Variants in VSTM4 observed in about 807,000 individuals in gnomAD.
VSTM4 encodes the protein V-set and transmembrane domain containing 4.
A neutral mutation model predicts 36.4 loss-of-function variants in VSTM4; 20 were observed. The observed-to-expected ratio is 0.55, with a 90% CI of 0.39 to 0.80. The LOEUF (loss-of-function observed/expected upper bound fraction) is 0.80. VSTM4 is among the 30% of genes least tolerant of loss of function. The probability of loss-of-function intolerance (pLI) is 0.00; values close to 1 mark genes in which losing one functional copy is unlikely to be tolerated. For missense variants in VSTM4, 392 were observed against 404.5 expected (o/e 0.97, Z 0.26); for synonymous variants, 182 against 173.9 (o/e 1.05, Z -0.37).
chr10:49,062,062 G>T (rs1017147787), intron 5 of VSTM4, among the ~76,000 whole-genome samples: 1 of 152,166 alleles, frequency 6.6e-6, no homozygotes, highest in Non-Finnish European at 1.5e-5. Context: ...ATACACATAT[G>T]TGACTTTACA....
In VSTM4 at chr10:49,114,146, C is replaced by A. The variant is rs1330560118; in HGVS notation, c.55+1285G>T. ...GCAAACTTCTCATCATTTTTCCAGCCGAGACAGTGACAACTGGGAAAAGGT... is the reference window on the plus strand; with the variant it reads ...GCAAACTTCTCATCATTTTTCCAGCAGAGACAGTGACAACTGGGAAAAGGT... On this transcript the variant is annotated intron_variant, in intron 1 of 7. Coordinates refer to ENST00000332853, the MANE Select transcript of VSTM4 (RefSeq NM_001031746.5). 2.6e-5 allele frequency among the ~76,000 whole-genome samples: 4 copies of A among 152,064 alleles called. No individual in the cohort carries two copies. In the East Asian group the frequency reaches 7.7e-4, roughly 29 times the overall value.
At chr10:49,035,270 C>T (rs980758735) in intron 7 of VSTM4, among the ~76,000 whole-genome samples, 1 of 152,170 alleles carries the variant, frequency 6.6e-6, no homozygotes, top group Non-Finnish European at 1.5e-5. Flanking sequence ...GCACCTTGCC[C>T]CCTGCCTATC....
chr10:49,022,996 C>T (rs1305392211), intron 7 of VSTM4, among the ~76,000 whole-genome samples: 1 of 151,872 alleles, frequency 6.6e-6, no homozygotes, highest in Non-Finnish European at 1.5e-5. Context: ...TTTAATAAAG[C>T]CAAAGCACAC....
intron 5 of VSTM4, among the ~76,000 whole-genome samples, chr10:49,049,495 CA>C (rs1843665389): frequency 6.6e-6 from 1 of 152,128 alleles, no homozygotes; most frequent in African/African-American, 2.4e-5. Flanking sequence ...CTATTCGCTC[CA>C]GTAATCCAGA....
chr10:49,089,790 C>T (rs1365099811), intron 2 of VSTM4, among the ~76,000 whole-genome samples: 1 of 152,216 alleles, frequency 6.6e-6, no homozygotes, highest in Non-Finnish European at 1.5e-5. Flanking sequence ...TATCTTGTTG[C>T]AGCTGCTAAT....
At chr10:49,095,686 C>T (rs542224168) in intron 2 of VSTM4, among the ~76,000 whole-genome samples, 4 of 152,352 alleles carry the variant, frequency 2.6e-5, no homozygotes, top group African/African-American at 7.2e-5. Flanking sequence ...CATGGTCCAG[C>T]AATGTGTCCT....
chr10:49,057,572 G>T (rs1428275613), intron 5 of VSTM4, among the ~76,000 whole-genome samples: 1 of 152,150 alleles, frequency 6.6e-6, no homozygotes, highest in Non-Finnish European at 1.5e-5. Context: ...TATTCTTTAT[G>T]CCAGGAACCA....
chr10:49,109,264 G>A (rs1046274417), intron 1 of VSTM4, among the ~76,000 whole-genome samples: 1 of 152,176 alleles, frequency 6.6e-6, no homozygotes, highest in East Asian at 1.9e-4. Context: ...GGGCAGTGCT[G>A]CAGGGAAGCA....
At chr10:49,102,511 G>A (rs1844686362) in intron 2 of VSTM4, 4 of 985,452 alleles carry the variant, frequency 4.1e-6, no homozygotes, top group South Asian at 9.4e-5. Context: ...ACCACATAAT[G>A]TTGTGTCTAC....
In VSTM4 at chr10:49,057,735, G is replaced by A. The variant is rs189100019; in HGVS notation, c.668+6968C>T. On this transcript the variant is annotated intron_variant, in intron 5 of 7. Coordinates refer to ENST00000332853, the MANE Select transcript of VSTM4 (RefSeq NM_001031746.5). ...GGAGGGAGGTGGCCAGGGAGACCCC[G>A]TCCCTGCGTCTACTGCCCCCATCCT... Among the ~76,000 whole-genome samples the A allele has an allele frequency of 2.3e-3, 356 of 152,240 alleles. 1 individual carries two copies. Among genetic ancestry groups the A allele is most frequent in the African/African-American group, 7.7e-3 (320 of 41,546 alleles).
At chr10:49,088,523 C>T (rs1844414183) in intron 2 of VSTM4, among the ~76,000 whole-genome samples, 2 of 152,146 alleles carry the variant, frequency 1.3e-5, no homozygotes, top group Admixed American at 6.5e-5. Flanking sequence ...TATTGTGAGC[C>T]CTGAGATTGA....
intron 7 of VSTM4, among the ~76,000 whole-genome samples, chr10:49,044,978 G>A (rs1843584585): frequency 6.6e-6 from 1 of 152,116 alleles, no homozygotes; most frequent in African/African-American, 2.4e-5. Flanking sequence ...GCACTGCAAT[G>A]TCACTGTTGT....
At chr10:49,028,102 T>TTC in intron 7 of VSTM4, among the ~76,000 whole-genome samples, 1 of 152,222 alleles carries the variant, frequency 6.6e-6, no homozygotes, top group Non-Finnish European at 1.5e-5. Context: ...TTAGCCATTG[T>TTC]TCTAGGTGTC....
chr10:49,055,928 G>A (rs77300053), intron 5 of VSTM4, among the ~76,000 whole-genome samples: 5,411 of 152,282 alleles, frequency 0.036, 301 homozygotes, highest in African/African-American at 0.12. Flanking sequence ...TCCTTGAATC[G>A]GAAGCAGGAC....
At chr10:49,038,951 G>A (rs994011465) in intron 7 of VSTM4, among the ~76,000 whole-genome samples, 33 of 152,160 alleles carry the variant, frequency 2.2e-4, no homozygotes, top group African/African-American at 7.7e-4. Flanking sequence ...GGTAAAAGCA[G>A]TCAACCAGAG....
At chr10:49,083,429 G>A (rs1286652872) in intron 3 of VSTM4, among the ~76,000 whole-genome samples, 1 of 152,194 alleles carries the variant, frequency 6.6e-6, no homozygotes, top group East Asian at 1.9e-4. Flanking sequence ...AAAGGCCTGG[G>A]ATCATGCGCC....
chr10:49,026,895 C>T (rs551488055), intron 7 of VSTM4, among the ~76,000 whole-genome samples: 9 of 152,310 alleles, frequency 5.9e-5, no homozygotes, highest in South Asian at 2.1e-4. Flanking sequence ...CCTTACACTA[C>T]GGATGCAAAA....
At chr10:49,067,573 C>A (rs1288650711) in intron 4 of VSTM4, among the ~76,000 whole-genome samples, 2 of 152,196 alleles carry the variant, frequency 1.3e-5, no homozygotes, top group Admixed American at 6.5e-5. Flanking sequence ...CAAAGACAGG[C>A]ACAGAGGGAA....
At position 49,051,390 on chromosome 10, in the gene VSTM4, CTT is replaced by C. The variant is rs796786621; in HGVS notation, c.669-2808_669-2807del. 2.8e-3 allele frequency among the ~76,000 whole-genome samples: 361 copies of C among 130,792 alleles called. 3 individuals carry two copies. Among genetic ancestry groups the C allele is most frequent in the African/African-American group, 9.4e-3 (326 of 34,644 alleles). The allele number at this position is 130,792 out of a possible 152,430, so 85.8% of individuals were successfully genotyped here. A position where few individuals can be genotyped will look rare whatever the true frequency, so the allele number is the denominator to read the frequency against. On this transcript the variant is annotated intron_variant, in intron 5 of 7. Transcript: ENST00000332853. Reference sequence around the variant, plus strand: ...CTTCTCATGGCTTGACAGCTCATTTCTTTTTTTTTTTTTTTTTTCTTTTTTGA... The same window carrying C: ...CTTCTCATGGCTTGACAGCTCATTTCTTTTTTTTTTTTTTTTCTTTTTTGA...
Sources: gnomAD v4.1 joint callset for allele counts (sites outside exome capture counted in the v4.1 genomes callset) on GRCh38, gnomAD v4.1.1 for gene constraint, MANE v1.5 for transcripts, NCBI Gene and HGNC (gene_info 2026-07-23, HGNC 2026-07-21) for gene names.